The following TBC1D14 variants were observed in gnomAD, a reference collection of about 807,000 sequenced individuals.
TBC1D14 encodes TBC1 domain family, member 14.
TBC1D14 carries 26 observed loss-of-function variants against 79.0 expected under a neutral mutation model. That is an observed-to-expected ratio of 0.33 (90% CI 0.24 to 0.46). TBC1D14 has a LOEUF of 0.46. Among genes scored for constraint, TBC1D14 ranks in the 20% least tolerant of loss-of-function variants. The pLI is 1.00. For synonymous variants in TBC1D14, 394 were observed against 349.9 expected (o/e 1.13, Z -1.40); for missense variants, 769 against 887.6 (o/e 0.87, Z 1.70).
chr4:6,962,317 C>T (rs1715296987), intron 2 of TBC1D14, among the ~76,000 whole-genome samples: 3 of 152,086 alleles, frequency 2.0e-5, no homozygotes, highest in East Asian at 3.9e-4. Context: ...AACCCCGCTG[C>T]GACGGTGCGG....
At position 6,935,987 on chromosome 4, in the gene TBC1D14, T is replaced by C. The variant is rs115504991; in HGVS notation, c.722+11876T>C. Among the ~76,000 whole-genome samples the C allele has an allele frequency of 8.2e-3, 1,247 of 152,320 alleles. 16 individuals carry two copies. Among genetic ancestry groups the C allele is most frequent in the African/African-American group, 0.028 (1,148 of 41,578 alleles). On this transcript the variant is annotated intron_variant, in intron 2 of 13. Transcript: ENST00000409757. ...TTCAACATATTTACTTTTTAAAAAA[T>C]AGACTTTATTTTTTAGAGCAGTTGT...
At chr4:6,978,454 C>G (rs1345024819) in intron 3 of TBC1D14, among the ~76,000 whole-genome samples, 2 of 150,276 alleles carry the variant, frequency 1.3e-5, no homozygotes, top group East Asian at 1.9e-4. Context: ...CAACCCTGTG[C>G]TCTCTGAAAC....
intron 11 of TBC1D14, among the ~76,000 whole-genome samples, chr4:7,013,743 CTTTTT>C (rs11318080): frequency 7.3e-6 from 1 of 137,108 alleles, no homozygotes; most frequent in Non-Finnish European, 1.6e-5. Flanking sequence ...TTTCCAGATA[CTTTTT>C]TTTTTTTTTT....
In TBC1D14 at chr4:7,031,872, C is replaced by G. The variant is rs1277636072; in HGVS notation, c.*1480C>G. 1.3e-5 allele frequency: 2 copies of G among 152,334 alleles called. No individual in the cohort carries two copies. The highest frequency in any genetic ancestry group is 1.3e-4 in the Admixed American group (2 of 15,288). 9.4% of individuals were successfully genotyped at this position (152,334 alleles called of 1,614,324 possible). On this transcript the variant is annotated 3_prime_UTR_variant, in exon 14 of 14. Transcript: ENST00000409757. ...CTGTCTGTATAGCTTGTAACAGGAG[C>G]CTTGGGCTAGGGGCTGGGGAAGGAA...
intron 12 of TBC1D14, among the ~76,000 whole-genome samples, chr4:7,023,487 CTT>C (rs1183788996): frequency 1.3e-5 from 2 of 152,214 alleles, no homozygotes; most frequent in South Asian, 2.1e-4. Context: ...CAAAAGATCT[CTT>C]TGTTCTTTCT....
chr4:7,023,676 T>A (rs1434823638), intron 12 of TBC1D14, among the ~76,000 whole-genome samples: 4 of 152,200 alleles, frequency 2.6e-5, no homozygotes, highest in Non-Finnish European at 4.4e-5. Flanking sequence ...TGGAGTCAGG[T>A]TCAGAGTCTG....
rs1716802535 is a variant in TBC1D14, at chr4:6,977,092, C to CGG, written c.843+9668_843+9669insGG. Among the ~76,000 whole-genome samples the CGG allele has an allele frequency of 4.0e-4, 9 of 22,616 alleles. 3 individuals carry two copies. The highest frequency in any genetic ancestry group is 1.5e-3 in the Admixed American group (3 of 1,962). The allele number at this position is 22,616 out of a possible 152,430, so 14.8% of individuals were successfully genotyped here. On this transcript the variant is annotated intron_variant, in intron 3 of 13. Transcript: ENST00000409757. ...CTCCCTCTCCCTCTCCCTCTCCCCACTGTCTCCCTCTCCCCACGGTCTCCC... is the reference window on the plus strand; with the variant it reads ...CTCCCTCTCCCTCTCCCTCTCCCCACGGTGTCTCCCTCTCCCCACGGTCTCCC...
chr4:6,911,522 C>T (rs1419441923), intron 1 of TBC1D14, among the ~76,000 whole-genome samples: 1 of 152,246 alleles, frequency 6.6e-6, no homozygotes, highest in Non-Finnish European at 1.5e-5. Context: ...CCCCAGCCTA[C>T]CCTCTCACAT....
At chr4:7,000,605 G>C (rs1719568940) in intron 6 of TBC1D14, among the ~76,000 whole-genome samples, 1 of 152,224 alleles carries the variant, frequency 6.6e-6, no homozygotes, top group Non-Finnish European at 1.5e-5. Flanking sequence ...GAAGGACTCT[G>C]TACAGCCTAC....
chr4:6,999,365 T>A (rs1368989250), intron 6 of TBC1D14, among the ~76,000 whole-genome samples, 163 bp downstream of exon 6: 1 of 152,126 alleles, frequency 6.6e-6, no homozygotes, highest in Non-Finnish European at 1.5e-5. Context: ...CGCCATCCCT[T>A]GCTTGGAGAC....
chr4:7,009,814 A>C (rs950052049), intron 9 of TBC1D14, 63 bp from the exon 10 acceptor site: 1 of 1,518,550 alleles, frequency 6.6e-7, no homozygotes, highest in Admixed American at 1.7e-5. Flanking sequence ...GTAGTATCAG[A>C]TGTTCGTCTG....
intron 9 of TBC1D14, among the ~76,000 whole-genome samples, chr4:7,008,964 T>A (rs1172125481): frequency 6.6e-6 from 1 of 152,204 alleles, no homozygotes; most frequent in Non-Finnish European, 1.5e-5. Context: ...GATGCTGGCA[T>A]TTTTACCCTC....
At chr4:6,931,701 A>G (rs907300774) in intron 2 of TBC1D14, among the ~76,000 whole-genome samples, 1 of 151,948 alleles carries the variant, frequency 6.6e-6, no homozygotes, top group African/African-American at 2.4e-5. Flanking sequence ...AACCATAATG[A>G]TCCATTTTTT....
intron 2 of TBC1D14, among the ~76,000 whole-genome samples, chr4:6,925,586 CTG>C (rs1189390879): frequency 2.0e-5 from 3 of 152,124 alleles, no homozygotes; most frequent in African/African-American, 7.2e-5. Context: ...GTGGTGTGGT[CTG>C]TGGTTTTGTC....
intron 7 of TBC1D14, among the ~76,000 whole-genome samples, chr4:7,003,900 A>G (rs1719919772): frequency 1.3e-5 from 2 of 151,442 alleles, no homozygotes; most frequent in Admixed American, 1.3e-4. Flanking sequence ...CCTATTCAGG[A>G]GGCTGAGGCA....
At chr4:6,998,971 T>G in intron 5 of TBC1D14, 114 bp from the exon 6 acceptor site, 1 of 905,978 alleles carries the variant, frequency 1.1e-6, no homozygotes, top group Non-Finnish European at 1.7e-6. Context: ...TGATGCTCGC[T>G]CTGCTTCAGG....
intron 2 of TBC1D14, among the ~76,000 whole-genome samples, chr4:6,955,150 G>T (rs1215367058): frequency 1.3e-5 from 2 of 152,236 alleles, no homozygotes; most frequent in African/African-American, 4.8e-5. Flanking sequence ...CTCTGTGACA[G>T]TTCAGAGGGC....
At chr4:6,916,268 G>C (rs986857630) in intron 1 of TBC1D14, among the ~76,000 whole-genome samples, 2 of 152,176 alleles carry the variant, frequency 1.3e-5, no homozygotes, top group African/African-American at 2.4e-5. Flanking sequence ...GGGGTTTGAA[G>C]AGGCAGCTGT....
At chr4:7,017,405 A>C (rs1399294774) in intron 12 of TBC1D14, among the ~76,000 whole-genome samples, 1 of 152,244 alleles carries the variant, frequency 6.6e-6, no homozygotes, top group African/African-American at 2.4e-5. Flanking sequence ...ACTCAAGTCT[A>C]CCCGGCTCTA....
Sources: gnomAD v4.1 joint callset for allele counts (sites outside exome capture counted in the v4.1 genomes callset) on GRCh38, gnomAD v4.1.1 for gene constraint, MANE v1.5 for transcripts, NCBI Gene and HGNC (gene_info 2026-07-23, HGNC 2026-07-21) for gene names.